GGCT: variants seen among roughly 807,000 people sequenced by gnomAD.
The protein encoded by GGCT is cytochrome c-releasing factor 21.
In GGCT, 20 loss-of-function variants were observed where a neutral mutation model predicts 22.1. The observed-to-expected ratio is 0.91, with a 90% CI of 0.64 to 1.32. The LOEUF (loss-of-function observed/expected upper bound fraction) is 1.32. GGCT is among the 40% of genes most tolerant of loss of function. GGCT has a pLI of 0.00. For synonymous variants in GGCT, 72 were observed against 78.4 expected, an observed-to-expected ratio of 0.92 and a Z score of 0.43; for missense variants, 209 against 223.5, an observed-to-expected ratio of 0.94 and a Z score of 0.41.
chr7:30,498,700 T>C, intron 3 of GGCT, 103 bp downstream of exon 3: 1 of 1,025,914 alleles, frequency 9.7e-7, no homozygotes, highest in Middle Eastern at 3.2e-4. Flanking sequence ...ATTACAGGCA[T>C]GAGCCACCAC....
At chr7:30,497,324 C>G in intron 3 of GGCT, 89 bp from the exon 4 acceptor site, 2 of 908,236 alleles carry the variant, frequency 2.2e-6, no homozygotes, top group South Asian at 3.4e-5. Flanking sequence ...TTTGCCTTCT[C>G]AAAGTATGAA....
At chr7:30,500,902 C>T (rs139566547) in intron 1 of GGCT, among the ~76,000 whole-genome samples, 2,404 of 152,228 alleles carry the variant, frequency 0.016, 31 homozygotes, top group Admixed American at 0.027. Context: ...ATGAAACATA[C>T]ACTGAATATG....
intron 1 of GGCT, among the ~76,000 whole-genome samples, chr7:30,501,803 T>C (rs1201352208): frequency 6.6e-6 from 1 of 152,182 alleles, no homozygotes; most frequent in African/African-American, 2.4e-5. Flanking sequence ...TCCCTGTCAC[T>C]TATATTTTCT....
In GGCT at chr7:30,498,867, A is replaced by C. The variant is rs1168417490; in HGVS notation, c.359T>G (p.Ile120Arg). ...TGTCATCAGATAACTTCGACAGGTT[A>C]TTTCTTTTCCTTCTTGAGTTGCAAC... Reference protein sequence around the residue: ...VKVATQEGKEITCRSYLMTNY... With the variant: ...VKVATQEGKERTCRSYLMTNY... Residue 120 changes from isoleucine (I) to arginine (R), a missense_variant, in exon 3 of 4, where the codon ATA (isoleucine) becomes AGA (arginine). Transcript: ENST00000275428. 1.9e-6 allele frequency: 3 copies of C among 1,612,072 alleles called. No homozygotes were observed. The highest frequency in any genetic ancestry group is 1.3e-5 in the African/African-American group (1 of 74,870).
rs1583955205 is a variant in GGCT at position 30,504,809 on chromosome 7, C to T, written c.-100G>A. On this transcript the variant is annotated 5_prime_UTR_variant, in exon 1 of 4. Coordinates refer to ENST00000275428, the MANE Select transcript of GGCT (RefSeq NM_024051.4). ...CTACCCCGGCGCAGTGACCGCCGCG[C>T]GGCAGCCTCAGGGTTAGGGGACTGG... is the stretch of plus-strand genomic sequence containing the variant. The T allele has an allele frequency of 3.2e-6, 4 of 1,251,328 alleles. No individual in the cohort carries two copies. Among genetic ancestry groups the T allele is most frequent in the Middle Eastern group, 1.9e-4 (1 of 5,280 alleles). The allele number at this position is 1,251,328 out of a possible 1,614,324, so 77.5% of individuals were successfully genotyped here. A position where few individuals can be genotyped will look rare whatever the true frequency, so the allele number is the denominator to read the frequency against.
chr7:30,501,424 C>T lies in GGCT; in HGVS notation c.142-743G>A, dbSNP rs117264024. ...GCTAATATATAATTATGGACCATTC[C>T]GTTTTATTTTGCTAACAACTTTCTT... is the stretch of plus-strand genomic sequence containing the variant. On this transcript the variant is annotated intron_variant, in intron 1 of 3. Coordinates refer to ENST00000275428, the MANE Select transcript of GGCT (RefSeq NM_024051.4). 9.0e-3 allele frequency among the ~76,000 whole-genome samples: 1,363 copies of T among 152,262 alleles called. 13 individuals are homozygous for T. Among genetic ancestry groups the T allele is most frequent in the South Asian group, 0.02 (96 of 4,818 alleles).
Position 30,504,641 on chromosome 7 carries a change from G to A in GGCT, c.69C>T (p.Gly23=). The change falls in exon 1 of 4, where the codon GGC becomes GGT. Residue 23 remains glycine (G), a synonymous_variant. Transcript: ENST00000275428. ...GGATCCTCTCTGTCAGCAGGTTGCTGCCGTAGGCAAAGTACAGAAAACTCT... is the reference window on the plus strand; with the variant it reads ...GGATCCTCTCTGTCAGCAGGTTGCTACCGTAGGCAAAGTACAGAAAACTCT... ...DEESFLYFAY[G]SNLLTERIHL... 3.1e-6 allele frequency: 5 copies of A among 1,614,154 alleles called. No homozygotes were observed. In the South Asian group the frequency reaches 3.3e-5, roughly 11 times the overall value.
chr7:30,504,394 G>A (rs961901513), intron 1 of GGCT, among the ~76,000 whole-genome samples, 175 bp downstream of exon 1: 5 of 152,238 alleles, frequency 3.3e-5, no homozygotes, highest in Non-Finnish European at 5.9e-5. Context: ...GCCCGGGCAG[G>A]GCCGGGCAGT....
chr7:30,496,963 AG>A lies in GGCT; in HGVS notation c.*128del, dbSNP rs563748443. 1.6e-3 allele frequency: 863 copies of A among 550,858 alleles called. 2 individuals are homozygous for A. The highest frequency in any genetic ancestry group is 5.0e-3 in the Admixed American group (141 of 27,938). 34.1% of individuals were successfully genotyped at this position (550,858 alleles called of 1,614,324 possible). A position where few individuals can be genotyped will look rare whatever the true frequency, so the allele number is the denominator to read the frequency against. Reference sequence around the variant, plus strand: ...TAGTCTAAAAACAAGGAATCACCCAAGTAAGATACTCCTTCAGAGCACTGCT... The same window carrying A: ...TAGTCTAAAAACAAGGAATCACCCAATAAGATACTCCTTCAGAGCACTGCT... On this transcript the variant is annotated 3_prime_UTR_variant, in exon 4 of 4. Coordinates refer to ENST00000275428, the MANE Select transcript of GGCT (RefSeq NM_024051.4).
chr7:30,501,569 G>A (rs1461604899), intron 1 of GGCT, among the ~76,000 whole-genome samples: 1 of 152,074 alleles, frequency 6.6e-6, no homozygotes, highest in Non-Finnish European at 1.5e-5. Flanking sequence ...TCACAGAGGT[G>A]GGCAATCAGG....
chr7:30,502,237 TTTTTTG>T (rs1482604794), intron 1 of GGCT, among the ~76,000 whole-genome samples: 2 of 152,216 alleles, frequency 1.3e-5, no homozygotes, highest in African/African-American at 2.4e-5. Context: ...CATGGGCCTT[TTTTTTG>T]TTTTTGTTTT....
intron 1 of GGCT, among the ~76,000 whole-genome samples, chr7:30,501,267 G>C (rs1208425680): frequency 2.0e-5 from 3 of 152,230 alleles, no homozygotes; most frequent in Non-Finnish European, 2.9e-5. Flanking sequence ...GGCCATTTAA[G>C]CAGGGGACGA....
chr7:30,502,894 G>A (rs971464099), intron 1 of GGCT, among the ~76,000 whole-genome samples: 31 of 60,220 alleles, frequency 5.1e-4, no homozygotes, highest in Middle Eastern at 8.8e-3. Flanking sequence ...TGGGCTTTTG[G>A]AGATAGAAAT....
chr7:30,499,570 G>A (rs921113046), intron 2 of GGCT, among the ~76,000 whole-genome samples: 1 of 151,558 alleles, frequency 6.6e-6, no homozygotes, highest in Non-Finnish European at 1.5e-5. Context: ...AAATTAGTCC[G>A]ACATGGTGGT....
rs1277067256 is a variant in GGCT, at chr7:30,503,653, G to A, written c.141+916C>T. 2.6e-5 allele frequency among the ~76,000 whole-genome samples: 4 copies of A among 152,082 alleles called. No homozygotes were observed. The East Asian group carries it at 7.7e-4, about 29-fold the overall frequency. Reference sequence around the variant, plus strand: ...TGGCGTGGAAGAGGCTCCGTGGGCTGGTTCTGTTGTGTGATGCCCACTGTA... The same window carrying A: ...TGGCGTGGAAGAGGCTCCGTGGGCTAGTTCTGTTGTGTGATGCCCACTGTA... On this transcript the variant is annotated intron_variant, in intron 1 of 3. Coordinates refer to ENST00000275428, the MANE Select transcript of GGCT (RefSeq NM_024051.4).
Position 30,497,201 on chromosome 7 carries a change from G to A in GGCT, c.458C>T (p.Pro153Leu), listed in dbSNP as rs747177148. The change falls in exon 4 of 4, where the codon CCG becomes CTG. Residue 153 changes from proline to leucine, a missense_variant. Pro to Leu is a moderately conservative substitution (Grantham distance 98, BLOSUM62 -3). Coordinates refer to ENST00000275428, the MANE Select transcript of GGCT (RefSeq NM_024051.4). ...TTTTAACTTCTCTTGATACTCCAGCGGCAAACCATTTTCTTTTGCACCCAT... is the reference window on the plus strand; with the variant it reads ...TTTTAACTTCTCTTGATACTCCAGCAGCAAACCATTTTCTTTTGCACCCAT... ...ICMGAKENGLPLEYQEKLKAI... is the reference protein window; with the variant it reads ...ICMGAKENGLLLEYQEKLKAI... 28 of 1,609,882 alleles carry A rather than the reference G, an allele frequency of 1.7e-5. No homozygotes were observed. Among genetic ancestry groups the A allele is most frequent in the East Asian group, 2.2e-5 (1 of 44,698 alleles).
chr7:30,500,747 A>C, intron 1 of GGCT, 66 bp from the exon 2 acceptor site: 2 of 1,365,570 alleles, frequency 1.5e-6, no homozygotes. Context: ...CATCAAAATA[A>C]AAAGGATTTA....
intron 1 of GGCT, among the ~76,000 whole-genome samples, chr7:30,503,873 G>A (rs1405406199): frequency 8.3e-6 from 1 of 120,934 alleles, no homozygotes; most frequent in Non-Finnish European, 1.6e-5. Context: ...GATCATGTTT[G>A]TCTCATTCGA....
At chr7:30,500,709 C>A (rs1789680350) in intron 1 of GGCT, 28 bp from the exon 2 acceptor site, 1 of 1,598,510 alleles carries the variant, frequency 6.3e-7, no homozygotes, top group African/African-American at 1.3e-5. Context: ...GTGATATGAT[C>A]AATATCCACT....
Sources: allele counts gnomAD v4.1 joint callset (sites outside exome capture counted in the v4.1 genomes callset), GRCh38; gene constraint gnomAD v4.1.1; transcripts MANE v1.5; gene names NCBI Gene and HGNC (gene_info 2026-07-23, HGNC 2026-07-21).